The following XPO4 variants were observed in gnomAD, a reference collection of about 807,000 sequenced individuals.
XPO4 encodes exportin-4.
In XPO4, 39 loss-of-function variants were observed where a neutral mutation model predicts 143.0. That is an observed-to-expected ratio of 0.27 (90% CI 0.21 to 0.36). The LOEUF is 0.36. Ranked by LOEUF, XPO4 falls within the 10% of genes least tolerant of loss-of-function variation. The pLI is 1.00. For synonymous variants in XPO4, 439 were observed against 474.0 expected, an observed-to-expected ratio of 0.93 and a Z score of 0.96; for missense variants, 907 against 1,348.0, an observed-to-expected ratio of 0.67 and a Z score of 5.12.
intron 9 of XPO4, among the ~76,000 whole-genome samples, chr13:20,818,515 G>A (rs1421955771): frequency 6.6e-6 from 1 of 152,090 alleles, no homozygotes; most frequent in Non-Finnish European, 1.5e-5. Flanking sequence ...AACAAACACA[G>A]CTCTGAAAAA....
intron 18 of XPO4, among the ~76,000 whole-genome samples, chr13:20,794,818 A>G (rs147917990): frequency 6.6e-6 from 1 of 152,248 alleles, no homozygotes; most frequent in East Asian, 1.9e-4. Context: ...ACTTGGGTGA[A>G]AGGCTGGGCC....
At chr13:20,867,019 G>T (rs2060250134) in intron 2 of XPO4, among the ~76,000 whole-genome samples, 1 of 152,098 alleles carries the variant, frequency 6.6e-6, no homozygotes. Context: ...TTAACACAAC[G>T]GTTTTCTAAA....
At position 20,858,922 on chromosome 13, in the gene XPO4, G is replaced by GTATATA. The variant is rs59921874; in HGVS notation, c.318-3163_318-3158dup. On this transcript the variant is annotated intron_variant, in intron 3 of 22. Coordinates refer to ENST00000255305, the MANE Select transcript of XPO4 (RefSeq NM_022459.5). Reference sequence around the variant, plus strand: ...AAAATATATATATATATGTGTGTGTGTATATATATATATATATATATATAT... The same window carrying GTATATA: ...AAAATATATATATATATGTGTGTGTGTATATATATATATATATATATATATATATAT... Among the ~76,000 whole-genome samples, 359 of 148,768 alleles carry GTATATA rather than the reference G, an allele frequency of 2.4e-3. 3 individuals are homozygous for GTATATA. Among genetic ancestry groups the GTATATA allele is most frequent in the Admixed American group, 4.9e-3 (73 of 14,936 alleles).
At chr13:20,889,668 T>C (rs999068387) in intron 1 of XPO4, among the ~76,000 whole-genome samples, 1 of 152,206 alleles carries the variant, frequency 6.6e-6, no homozygotes, top group Non-Finnish European at 1.5e-5. Flanking sequence ...GAAAAAAATA[T>C]GGTAATCTCA....
chr13:20,784,812 G>A (rs542682283), intron 22 of XPO4, among the ~76,000 whole-genome samples: 2 of 152,226 alleles, frequency 1.3e-5, no homozygotes, highest in South Asian at 2.1e-4. Flanking sequence ...TTGTGGTGGT[G>A]CACAGCTGTA....
In XPO4 at chr13:20,807,239, T is replaced by C. The variant is rs1365611531; in HGVS notation, c.1817+218A>G. Among the ~76,000 whole-genome samples the C allele has an allele frequency of 2.6e-5, 4 of 152,318 alleles. No homozygotes were observed. The East Asian group carries it at 7.7e-4, about 29-fold the overall frequency. Reference sequence around the variant, plus strand: ...TCAGAATAATTTGACATTACTTTTCTTCAGTACTGGGTATAGCTGTCAACT... The same window carrying C: ...TCAGAATAATTTGACATTACTTTTCCTCAGTACTGGGTATAGCTGTCAACT... On this transcript the variant is annotated intron_variant, in intron 13 of 22. Transcript: ENST00000255305.
At chr13:20,786,307 G>GCATA (rs35525748) in intron 22 of XPO4, among the ~76,000 whole-genome samples, 15 of 147,010 alleles carry the variant, frequency 1.0e-4, no homozygotes, top group African/African-American at 3.8e-4. Context: ...ACGTGTGTGT[G>GCATA]TATATATATA....
At chr13:20,836,211 AC>A (rs1215580183) in intron 6 of XPO4, among the ~76,000 whole-genome samples, 1 of 152,172 alleles carries the variant, frequency 6.6e-6, no homozygotes, top group Non-Finnish European at 1.5e-5. Flanking sequence ...ACTAATTACT[AC>A]CTGATCACTG....
chr13:20,819,841 T>A (rs368447653), intron 9 of XPO4, among the ~76,000 whole-genome samples: 7 of 152,216 alleles, frequency 4.6e-5, no homozygotes, highest in African/African-American at 7.2e-5. Flanking sequence ...TATACTCCCC[T>A]GGTCCTCTAC....
At chr13:20,882,699 C>A (rs1164684432) in intron 1 of XPO4, among the ~76,000 whole-genome samples, 1 of 151,978 alleles carries the variant, frequency 6.6e-6, no homozygotes, top group Non-Finnish European at 1.5e-5. Context: ...ACCAGCCTGG[C>A]CAACATGGCA....
chr13:20,849,901 T>A, intron 4 of XPO4: 1 of 761,990 alleles, frequency 1.3e-6, no homozygotes, highest in Non-Finnish European at 1.6e-6. Flanking sequence ...AGGTCAGGAG[T>A]TCGAAACCAG....
At chr13:20,827,021 C>G (rs1378268184) in intron 7 of XPO4, 46 bp downstream of exon 7, 1 of 1,388,714 alleles carries the variant, frequency 7.2e-7, no homozygotes, top group Non-Finnish European at 1.0e-6. Context: ...AAGGCATTTC[C>G]TCTTTTCTAT....
chr13:20,809,224 G>A lies in XPO4; in HGVS notation c.1352C>T (p.Thr451Ile). The A allele has an allele frequency of 6.2e-6, 10 of 1,612,826 alleles. No individual in the cohort carries two copies. Among genetic ancestry groups the A allele is most frequent in the Non-Finnish European group, 6.8e-6 (8 of 1,179,550 alleles). The change falls in exon 11 of 23, where the codon ACT becomes ATT. Residue 451 changes from threonine (T) to isoleucine (I), a missense_variant and splice_region_variant. Transcript: ENST00000255305. ...CTCACGAGAGGCCACACCATTGGCA[G>A]TCTATTGCAAGTAAAAGAAATAAAC... ...LAAPDGTRNL[T>I]ANGVASREEE...
intron 1 of XPO4, among the ~76,000 whole-genome samples, chr13:20,882,109 C>CAA (rs35404161): frequency 4.8e-4 from 45 of 93,334 alleles, no homozygotes; most frequent in African/African-American, 1.6e-3. Flanking sequence ...GACTCGGTCT[C>CAA]AAAAAAAAAA....
Position 20,787,473 on chromosome 13 carries a change from C to A in XPO4, c.3165+8G>T. 1 of 1,613,076 alleles carries A rather than the reference C, an allele frequency of 6.2e-7. No individual in the cohort carries two copies. The highest frequency in any genetic ancestry group is 8.5e-7 in the Non-Finnish European group (1 of 1,178,984). ...CTGATTTTCTGACCTACCGCACAGACATCTTACCTTAAGAAAGTGCCGTGT... is the reference window on the plus strand; with the variant it reads ...CTGATTTTCTGACCTACCGCACAGAAATCTTACCTTAAGAAAGTGCCGTGT... On this transcript the variant is annotated splice_region_variant and intron_variant, in intron 21 of 22. Coordinates refer to ENST00000255305, the MANE Select transcript of XPO4 (RefSeq NM_022459.5).
chr13:20,825,958 A>G (rs1297733359), intron 7 of XPO4, among the ~76,000 whole-genome samples: 1 of 152,194 alleles, frequency 6.6e-6, no homozygotes, highest in African/African-American at 2.4e-5. Context: ...AAATGGTTCA[A>G]TCAGAAAAAG....
At chr13:20,784,419 G>A (rs746983499) in intron 22 of XPO4, among the ~76,000 whole-genome samples, 13 of 152,188 alleles carry the variant, frequency 8.5e-5, no homozygotes, top group Admixed American at 3.3e-4. Flanking sequence ...AGGACGGGGC[G>A]GAGAAATATA....
At chr13:20,822,061 C>CT in intron 8 of XPO4, 71 bp downstream of exon 8, 1 of 1,496,878 alleles carries the variant, frequency 6.7e-7, no homozygotes, top group Non-Finnish European at 8.9e-7. Context: ...TAACTAGTTT[C>CT]TTTTTTTCTT....
chr13:20,791,509 T>C lies in XPO4; in HGVS notation c.2798-929A>G, dbSNP rs534516894. 2.0e-5 allele frequency among the ~76,000 whole-genome samples: 3 copies of C among 152,320 alleles called. No individual in the cohort carries two copies. In the East Asian group the frequency reaches 5.8e-4, roughly 29 times the overall value. ...ACAGGCTAAATTCCAAAATGTGGAATGCCACATAACCATTAAAAATATCAT... is the reference window on the plus strand; with the variant it reads ...ACAGGCTAAATTCCAAAATGTGGAACGCCACATAACCATTAAAAATATCAT... On this transcript the variant is annotated intron_variant, in intron 18 of 22. Transcript: ENST00000255305.
Sources: gnomAD v4.1 joint callset for allele counts (sites outside exome capture counted in the v4.1 genomes callset) on GRCh38, gnomAD v4.1.1 for gene constraint, MANE v1.5 for transcripts, NCBI Gene and HGNC (gene_info 2026-07-23, HGNC 2026-07-21) for gene names.